The following TSHR variants were observed in gnomAD, a reference collection of about 807,000 sequenced individuals.
TSHR encodes the protein thyroid stimulating hormone receptor.
TSHR carries 51 observed loss-of-function variants against 64.1 expected under a neutral mutation model. The observed-to-expected ratio is 0.80, with a 90% CI of 0.64 to 1.01. The LOEUF is 1.01. Ranked by LOEUF, TSHR falls within the 50% of genes least tolerant of loss-of-function variation. The pLI, the probability that TSHR is intolerant of heterozygous loss-of-function variation, is 0.00. For synonymous variants in TSHR, 361 were observed against 361.9 expected (o/e 1.00, Z 0.03); for missense variants, 877 against 942.8 (o/e 0.93, Z 0.91).
chr14:81,139,966 G>A, intron 9 of TSHR, 99 bp downstream of exon 9: 1 of 1,471,704 alleles, frequency 6.8e-7, no homozygotes, highest in Non-Finnish European at 9.3e-7. Flanking sequence ...TGAAAACCAG[G>A]TGGAGAGGAA....
At chr14:81,125,466 C>A (rs1262505624) in intron 8 of TSHR, among the ~76,000 whole-genome samples, 1 of 152,130 alleles carries the variant, frequency 6.6e-6, no homozygotes, top group Non-Finnish European at 1.5e-5. Flanking sequence ...TGGCCCTCAA[C>A]TCGCCTCAGC....
At chr14:81,067,480 G>GTT (rs986685733) in intron 2 of TSHR, among the ~76,000 whole-genome samples, 63 of 30,722 alleles carry the variant, frequency 2.1e-3, no homozygotes, top group Middle Eastern at 0.011. Flanking sequence ...GGAGTTTATA[G>GTT]TTTTATATAT....
intron 1 of TSHR, among the ~76,000 whole-genome samples, chr14:81,040,483 C>T (rs1165717010): frequency 3.3e-5 from 5 of 152,052 alleles, no homozygotes; most frequent in African/African-American, 9.7e-5. Flanking sequence ...AAACTAAAAA[C>T]TTCTGCACAG....
chr14:81,080,640 ATTAT>A (rs1887836215), intron 3 of TSHR, among the ~76,000 whole-genome samples: 2 of 152,174 alleles, frequency 1.3e-5, no homozygotes, highest in African/African-American at 4.8e-5. Context: ...TTGGTTATAG[ATTAT>A]TTCTTTCCTC....
intron 1 of TSHR, among the ~76,000 whole-genome samples, chr14:81,007,704 G>A (rs1348443836): frequency 2.0e-5 from 3 of 152,074 alleles, no homozygotes; most frequent in African/African-American, 4.8e-5. Context: ...GGGAAGTTTA[G>A]GACTTCACAT....
At chr14:80,989,087 C>T (rs116578599) in intron 1 of TSHR, among the ~76,000 whole-genome samples, 226 of 152,294 alleles carry the variant, frequency 1.5e-3, no homozygotes, top group African/African-American at 4.9e-3. Flanking sequence ...AACAAAACTA[C>T]TTATGCTTCT....
At chr14:81,109,911 G>A (rs1189121338) in intron 8 of TSHR, among the ~76,000 whole-genome samples, 2 of 152,186 alleles carry the variant, frequency 1.3e-5, no homozygotes, top group African/African-American at 4.8e-5. Flanking sequence ...TAAAGTCCCT[G>A]TCAGTAATTT....
chr14:81,099,027 C>T (rs1220906290), intron 7 of TSHR, among the ~76,000 whole-genome samples: 1 of 152,144 alleles, frequency 6.6e-6, no homozygotes, highest in Non-Finnish European at 1.5e-5. Flanking sequence ...GTATAAAATT[C>T]AGACCTTAAG....
At chr14:80,991,280 ATTCT>A (rs1428009596) in intron 1 of TSHR, among the ~76,000 whole-genome samples, 1 of 152,188 alleles carries the variant, frequency 6.6e-6, no homozygotes, top group African/African-American at 2.4e-5. Context: ...AGGGGGAAGA[ATTCT>A]TTCTTTCAGA....
intron 3 of TSHR, 62 bp downstream of exon 3, chr14:81,068,390 G>A (rs1228809563): frequency 1.3e-6 from 2 of 1,532,570 alleles, no homozygotes; most frequent in Admixed American, 1.7e-5. Flanking sequence ...TGATAATCTT[G>A]GGGCTCCAGA....
At chr14:80,993,688 C>T (rs138344517) in intron 1 of TSHR, 1 of 152,264 alleles carries the variant, frequency 6.6e-6, no homozygotes, top group African/African-American at 2.4e-5. Flanking sequence ...AATGGATCAT[C>T]ATGGCCACCC....
At chr14:81,107,078 C>A (rs919158648) in intron 7 of TSHR, 1 of 152,098 alleles carries the variant, frequency 6.6e-6, no homozygotes, top group Non-Finnish European at 1.5e-5. Flanking sequence ...GGAGAGATTT[C>A]TTCAGCACTG....
At chr14:81,024,908 TGTGAGAACA>T (rs1349960991) in intron 1 of TSHR, among the ~76,000 whole-genome samples, 2 of 152,156 alleles carry the variant, frequency 1.3e-5, no homozygotes, top group Non-Finnish European at 2.9e-5. Context: ...ATGAAAAATA[TGTGAGAACA>T]GTGAGAGGTC....
chr14:81,111,077 T>C (rs1400548974), intron 8 of TSHR, among the ~76,000 whole-genome samples: 1 of 152,220 alleles, frequency 6.6e-6, no homozygotes, highest in Non-Finnish European at 1.5e-5. Flanking sequence ...CATATGTTAG[T>C]GGTACATACT....
At chr14:81,134,579 C>A (rs988088183) in intron 8 of TSHR, among the ~76,000 whole-genome samples, 2 of 152,048 alleles carry the variant, frequency 1.3e-5, no homozygotes, top group Non-Finnish European at 1.5e-5. Flanking sequence ...ACAGAACAGG[C>A]AGTATTTCAG....
Position 81,044,671 on chromosome 14 carries a change from A to AC in TSHR, c.171-17477_171-17476insC, listed in dbSNP as rs1434852659. ...AGACTCTGTCTCAAAAAAAAAAAAAAAAACACACACACACATGCACAATGA... is the reference window on the plus strand; with the variant it reads ...AGACTCTGTCTCAAAAAAAAAAAAAACAAACACACACACACATGCACAATGA... On this transcript the variant is annotated intron_variant, in intron 1 of 9. Coordinates refer to ENST00000298171, the MANE Select transcript of TSHR (RefSeq NM_000369.5). Among the ~76,000 whole-genome samples, 623 of 138,194 alleles carry AC rather than the reference A, an allele frequency of 4.5e-3. 8 individuals are homozygous for AC. The highest frequency in any genetic ancestry group is 0.014 in the African/African-American group (571 of 40,786). The allele number at this position is 138,194 out of a possible 152,430, so 90.7% of individuals were successfully genotyped here.
intron 1 of TSHR, among the ~76,000 whole-genome samples, chr14:81,036,302 T>A (rs1489322406): frequency 6.6e-6 from 1 of 152,060 alleles, no homozygotes; most frequent in Non-Finnish European, 1.5e-5. Flanking sequence ...AATCAAATCA[T>A]CAAAAGTTAA....
intron 7 of TSHR, among the ~76,000 whole-genome samples, chr14:81,098,485 T>A (rs1016424459): frequency 2.6e-5 from 4 of 152,208 alleles, no homozygotes; most frequent in Non-Finnish European, 2.9e-5. Context: ...ATTTTCCTCT[T>A]TGATTCAACT....
At chr14:81,019,902 C>A (rs1440463260) in intron 1 of TSHR, among the ~76,000 whole-genome samples, 1 of 152,112 alleles carries the variant, frequency 6.6e-6, no homozygotes, top group African/African-American at 2.4e-5. Context: ...CTCTTGTGAA[C>A]AGTGCTGCAA....
Sources: allele counts gnomAD v4.1 joint callset (sites outside exome capture counted in the v4.1 genomes callset), GRCh38; gene constraint gnomAD v4.1.1; transcripts MANE v1.5; gene names NCBI Gene and HGNC (gene_info 2026-07-23, HGNC 2026-07-21).